INPP5K: variants seen among roughly 807,000 people sequenced by gnomAD.
INPP5K encodes inositol polyphosphate-5-phosphatase K.
A neutral mutation model predicts 53.5 loss-of-function variants in INPP5K; 35 were observed. The ratio of observed to expected loss-of-function variants is 0.65; its 90% CI spans 0.50 to 0.87. INPP5K has a LOEUF of 0.87. Among genes scored for constraint, INPP5K ranks in the 40% least tolerant of loss-of-function variants. The pLI is 0.00. For synonymous variants in INPP5K, 253 were observed against 232.8 expected, an observed-to-expected ratio of 1.09 and a Z score of -0.79; for missense variants, 550 against 586.2, an observed-to-expected ratio of 0.94 and a Z score of 0.64.
chr17:1,514,589 C>CGCCAA, intron 1 of INPP5K, among the ~76,000 whole-genome samples: 1 of 152,240 alleles, frequency 6.6e-6, no homozygotes, highest in African/African-American at 2.4e-5. Flanking sequence ...CCAAGAATTT[C>CGCCAA]AGGTCAGGCT....
intron 7 of INPP5K, among the ~76,000 whole-genome samples, chr17:1,505,782 G>A (rs538617187): frequency 6.6e-6 from 1 of 152,066 alleles, no homozygotes; most frequent in South Asian, 2.1e-4. Context: ...GGTACCTCCC[G>A]CCTCCCTCAC....
intron 7 of INPP5K, among the ~76,000 whole-genome samples, chr17:1,503,185 CTTTTT>C (rs748921781): frequency 7.4e-6 from 1 of 135,648 alleles, no homozygotes; most frequent in Admixed American, 7.4e-5. Context: ...CACGCCTGGC[CTTTTT>C]TTTTTTTTTT....
At chr17:1,500,958 CTTTTTTTTTT>C (rs546504445) in intron 7 of INPP5K, among the ~76,000 whole-genome samples, 1 of 135,308 alleles carries the variant, frequency 7.4e-6, no homozygotes. Flanking sequence ...TATTCAACTG[CTTTTTTTTTT>C]TTTTTTTTTT....
intron 7 of INPP5K, among the ~76,000 whole-genome samples, chr17:1,502,153 T>G (rs183132448): frequency 6.1e-4 from 92 of 150,406 alleles, no homozygotes; most frequent in Middle Eastern, 3.6e-3. Context: ...ATGGAGACCA[T>G]CCTGGCTAAC....
rs140849702 is a variant in INPP5K, at chr17:1,494,610, G to T, written c.*1213C>A. 1 of 152,174 alleles carries T rather than the reference G, an allele frequency of 6.6e-6. No individual in the cohort carries two copies. 9.4% of individuals were successfully genotyped at this position (152,174 alleles called of 1,614,324 possible). On this transcript the variant is annotated 3_prime_UTR_variant, in exon 12 of 12. Coordinates refer to ENST00000421807, the MANE Select transcript of INPP5K (RefSeq NM_016532.4). ...ACGCTAATAATTACCCCTGCACAATGTAACAGTCACAAAACAGCCAGCCAT... is the reference window on the plus strand; with the variant it reads ...ACGCTAATAATTACCCCTGCACAATTTAACAGTCACAAAACAGCCAGCCAT...
At chr17:1,500,882 C>T (rs959278382) in intron 7 of INPP5K, among the ~76,000 whole-genome samples, 1 of 151,906 alleles carries the variant, frequency 6.6e-6, no homozygotes, top group Non-Finnish European at 1.5e-5. Flanking sequence ...CAAAAATGTC[C>T]GTCTAATCTT....
At chr17:1,499,731 C>T (rs983370013) in intron 7 of INPP5K, among the ~76,000 whole-genome samples, 2 of 152,212 alleles carry the variant, frequency 1.3e-5, no homozygotes, top group Non-Finnish European at 2.9e-5. Flanking sequence ...GCAGCTCTGA[C>T]TCCTGGAGGT....
chr17:1,497,841 G>T, intron 8 of INPP5K, 95 bp downstream of exon 8: 1 of 1,140,378 alleles, frequency 8.8e-7, no homozygotes, highest in Non-Finnish European at 1.3e-6. Flanking sequence ...CTCCCCTGGG[G>T]GACTGGCTGA....
Position 1,516,491 on chromosome 17 carries a change from C to A in INPP5K, c.9G>T (p.Ser3=). 1 of 1,585,790 alleles carries A rather than the reference C, an allele frequency of 6.3e-7. No individual in the cohort carries two copies. Among genetic ancestry groups the A allele is most frequent in the Non-Finnish European group, 8.5e-7 (1 of 1,174,912 alleles). ...TGCCTTTCGGCCCGCTCAGCTTCCG[C>A]GAGCTCATGGCCGCCGTCGTCCCCG... is the stretch of plus-strand genomic sequence containing the variant. MS[S]RKLSGPKGRR... is the part of the protein sequence containing the mutation. Residue 3 remains serine, a synonymous_variant, in exon 1 of 12, where the codon TCG becomes TCT. Transcript: ENST00000421807.
chr17:1,514,033 C>T lies in INPP5K; in HGVS notation c.45-54G>A, dbSNP rs137924825. On this transcript the variant is annotated intron_variant, in intron 1 of 11. Coordinates refer to ENST00000421807, the MANE Select transcript of INPP5K (RefSeq NM_016532.4). The stretch of plus-strand genomic sequence containing the variant: ...GGAGGAAGGAGGATAAGATAGTGCA[C>T]GGGGTCGGCTGGGCGCAGAGGCTCA... 319 of 1,321,184 alleles carry T rather than the reference C, an allele frequency of 2.4e-4. 1 individual carries two copies. The African/African-American group carries it at 4.0e-3, about 17-fold the overall frequency. 81.8% of individuals were successfully genotyped at this position (1,321,184 alleles called of 1,614,324 possible). A position where few individuals can be genotyped will look rare whatever the true frequency, so the allele number is the denominator to read the frequency against.
intron 7 of INPP5K, among the ~76,000 whole-genome samples, chr17:1,506,329 T>G (rs916336013): frequency 1.3e-5 from 2 of 152,142 alleles, no homozygotes; most frequent in Non-Finnish European, 2.9e-5. Flanking sequence ...CCAGCCGGCA[T>G]GAATCGAAAA....
intron 7 of INPP5K, among the ~76,000 whole-genome samples, chr17:1,501,759 C>G (rs1055368786): frequency 1.3e-5 from 2 of 152,166 alleles, no homozygotes; most frequent in Non-Finnish European, 2.9e-5. Flanking sequence ...TGGCTCACGC[C>G]TGTAATCCCA....
chr17:1,496,880 C>T (rs890395429), intron 8 of INPP5K, 77 bp from the exon 9 acceptor site: 17 of 1,499,054 alleles, frequency 1.1e-5, no homozygotes, highest in Middle Eastern at 1.7e-4. Context: ...CCTCACTGTG[C>T]CCTTCCAACA....
At chr17:1,516,330 A>T (rs1354302928) in intron 1 of INPP5K, 126 bp downstream of exon 1, 1 of 1,114,422 alleles carries the variant, frequency 9.0e-7, no homozygotes, top group Non-Finnish European at 1.3e-6. Flanking sequence ...GGCGTGGGAG[A>T]AGGCGAGAGC....
intron 6 of INPP5K, 162 bp from the exon 7 acceptor site, chr17:1,507,251 C>T (rs1289389478): frequency 1.7e-6 from 1 of 586,688 alleles, no homozygotes; most frequent in African/African-American, 1.9e-5. Flanking sequence ...GCAGCCCACT[C>T]CCACCAGAAA....
At chr17:1,502,973 T>C (rs1265273756) in intron 7 of INPP5K, among the ~76,000 whole-genome samples, 1 of 151,820 alleles carries the variant, frequency 6.6e-6, no homozygotes, top group Non-Finnish European at 1.5e-5. Context: ...CACTACAGCC[T>C]CAACCTCCTG....
At chr17:1,515,427 A>G (rs1388545670) in intron 1 of INPP5K, 14 of 985,378 alleles carry the variant, frequency 1.4e-5, no homozygotes, top group Middle Eastern at 1.0e-3. Context: ...AGAGACCTAC[A>G]GATGTCTTTA....
intron 7 of INPP5K, among the ~76,000 whole-genome samples, chr17:1,504,392 T>C (rs951647619): frequency 6.6e-6 from 1 of 152,200 alleles, no homozygotes; most frequent in African/African-American, 2.4e-5. Flanking sequence ...ACAGTGTCAT[T>C]AGACAGGAAT....
chr17:1,508,949 G>C (rs35549130), intron 5 of INPP5K: 33 of 361,658 alleles, frequency 9.1e-5, no homozygotes, highest in African/African-American at 2.8e-4. Context: ...TCACTCGTGG[G>C]GGTCAGCGTG....
Sources: gnomAD v4.1 joint callset for allele counts (sites outside exome capture counted in the v4.1 genomes callset) on GRCh38, gnomAD v4.1.1 for gene constraint, MANE v1.5 for transcripts, NCBI Gene and HGNC (gene_info 2026-07-23, HGNC 2026-07-21) for gene names.